Variants in CREB1 observed in about 807,000 individuals in gnomAD.
CREB1 encodes the protein cAMP responsive element binding protein 1, also known as cyclic AMP-responsive element-binding protein 1.
In CREB1, 2 loss-of-function variants were observed where a neutral mutation model predicts 42.0. The observed-to-expected ratio is 0.05, with a 90% CI of 0.02 to 0.15. The LOEUF (loss-of-function observed/expected upper bound fraction) is 0.15, where lower values mean the gene tolerates loss of function less well. Among genes scored for constraint, CREB1 ranks in the 10% least tolerant of loss-of-function variants. The pLI is 1.00. For synonymous variants in CREB1, 123 were observed against 139.9 expected (o/e 0.88, Z 0.85); for missense variants, 199 against 388.9 (o/e 0.51, Z 4.11).
At chr2:207,538,950 G>A (rs2080983786) in intron 1 of CREB1, among the ~76,000 whole-genome samples, 1 of 151,936 alleles carries the variant, frequency 6.6e-6, no homozygotes, top group Non-Finnish European at 1.5e-5. Flanking sequence ...TATCCCTGTT[G>A]GTATAAGTAA....
intron 7 of CREB1, among the ~76,000 whole-genome samples, chr2:207,588,248 T>G (rs1277735532): frequency 6.6e-6 from 1 of 152,236 alleles, no homozygotes; most frequent in Non-Finnish European, 1.5e-5. Flanking sequence ...GAGATCCATT[T>G]TTTTATATAG....
chr2:207,590,132 A>G (rs1574980385), intron 7 of CREB1, among the ~76,000 whole-genome samples: 2 of 82,452 alleles, frequency 2.4e-5, no homozygotes, highest in South Asian at 7.6e-4. Flanking sequence ...CATTCAGACT[A>G]TTTCTTCTTC....
chr2:207,587,342 G>A (rs535093750), intron 7 of CREB1, among the ~76,000 whole-genome samples: 207 of 149,854 alleles, frequency 1.4e-3, no homozygotes, highest in Non-Finnish European at 2.1e-3. Context: ...GCAGTGAGCC[G>A]AGATCGCACC....
chr2:207,546,058 G>A (rs757245583), intron 1 of CREB1, among the ~76,000 whole-genome samples: 2 of 152,098 alleles, frequency 1.3e-5, no homozygotes, highest in Admixed American at 6.6e-5. Flanking sequence ...TTTAACTGAG[G>A]AAATTAGATT....
chr2:207,593,464 A>G (rs1046996074), intron 7 of CREB1, among the ~76,000 whole-genome samples: 2 of 152,214 alleles, frequency 1.3e-5, no homozygotes, highest in African/African-American at 4.8e-5. Context: ...TGGGAGGTCA[A>G]GGCTGCAGTG....
intron 7 of CREB1, chr2:207,581,208 A>C (rs1439523472): frequency 9.7e-6 from 2 of 205,658 alleles, no homozygotes; most frequent in African/African-American, 4.6e-5. Flanking sequence ...TTAACAAATA[A>C]TGTCAGAAGA....
chr2:207,538,769 T>G (rs1559263267), intron 1 of CREB1, among the ~76,000 whole-genome samples: 1 of 152,218 alleles, frequency 6.6e-6, no homozygotes, highest in East Asian at 1.9e-4. Flanking sequence ...TCCCAAAGGT[T>G]AGTGCATCTT....
At chr2:207,560,020 T>C (rs2081892127) in intron 2 of CREB1, among the ~76,000 whole-genome samples, 1 of 152,230 alleles carries the variant, frequency 6.6e-6, no homozygotes. Context: ...TGGGAAGAGC[T>C]GAAAAGGATA....
chr2:207,555,937 TG>T (rs1277012830), intron 2 of CREB1, among the ~76,000 whole-genome samples, 188 bp downstream of exon 2: 1 of 152,190 alleles, frequency 6.6e-6, no homozygotes, highest in Non-Finnish European at 1.5e-5. Flanking sequence ...AACAGTAAAA[TG>T]TATTATTAAA....
chr2:207,575,744 A>G (rs2082546942), intron 6 of CREB1, among the ~76,000 whole-genome samples: 2 of 152,206 alleles, frequency 1.3e-5, no homozygotes, highest in Non-Finnish European at 2.9e-5. Flanking sequence ...ATCAGGAGTT[A>G]GAAAAGATGG....
chr2:207,547,511 C>T (rs1335838808), intron 1 of CREB1, among the ~76,000 whole-genome samples: 1 of 152,102 alleles, frequency 6.6e-6, no homozygotes, highest in Non-Finnish European at 1.5e-5. Flanking sequence ...AAAAAATGAG[C>T]TCCAAATAGC....
intron 1 of CREB1, 99 bp downstream of exon 1, chr2:207,530,233 C>G (rs1269732502): frequency 6.6e-6 from 1 of 152,314 alleles, no homozygotes; most frequent in Non-Finnish European, 1.5e-5. Flanking sequence ...GCCTTCCCCT[C>G]GCAGGAGGGG....
intron 3 of CREB1, among the ~76,000 whole-genome samples, chr2:207,566,620 G>A (rs2082150564): frequency 6.6e-6 from 1 of 152,160 alleles, no homozygotes; most frequent in Admixed American, 6.5e-5. Flanking sequence ...TAAAATGGAG[G>A]TTAATGACAG....
intron 2 of CREB1, among the ~76,000 whole-genome samples, chr2:207,556,321 T>A (rs958111174): frequency 2.0e-5 from 3 of 152,202 alleles, no homozygotes; most frequent in Admixed American, 6.5e-5. Context: ...TTTGCATGCA[T>A]TCTCCTCAAC....
chr2:207,570,636 G>T (rs1242490955), intron 5 of CREB1, among the ~76,000 whole-genome samples: 1 of 152,094 alleles, frequency 6.6e-6, no homozygotes, highest in Non-Finnish European at 1.5e-5. Flanking sequence ...CTCATGTGTT[G>T]AGAGAACATA....
At chr2:207,546,041 A>G (rs1483600642) in intron 1 of CREB1, among the ~76,000 whole-genome samples, 6 of 152,072 alleles carry the variant, frequency 3.9e-5, no homozygotes, top group Non-Finnish European at 2.9e-5. Context: ...GGCCAAACAT[A>G]TTTTTCTTTA....
At chr2:207,547,871 T>A (rs2081354718) in intron 1 of CREB1, among the ~76,000 whole-genome samples, 1 of 151,728 alleles carries the variant, frequency 6.6e-6, no homozygotes, top group African/African-American at 2.4e-5. Flanking sequence ...CGCTATAGAG[T>A]TAGTCACATA....
intron 7 of CREB1, among the ~76,000 whole-genome samples, chr2:207,585,956 A>G (rs958474585): frequency 1.3e-5 from 2 of 151,718 alleles, no homozygotes; most frequent in African/African-American, 4.9e-5. Context: ...CTATTTAACA[A>G]AATAATCACT....
intron 1 of CREB1, among the ~76,000 whole-genome samples, chr2:207,532,644 G>A (rs1265809667): frequency 1.3e-5 from 2 of 151,606 alleles, no homozygotes; most frequent in Non-Finnish European, 2.9e-5. Flanking sequence ...CTGCCCTCCA[G>A]CCTGGTGACA....
Sources: gnomAD v4.1 joint callset for allele counts (sites outside exome capture counted in the v4.1 genomes callset) on GRCh38, gnomAD v4.1.1 for gene constraint, MANE v1.5 for transcripts, NCBI Gene and HGNC (gene_info 2026-07-23, HGNC 2026-07-21) for gene names.